GAN: variants seen among roughly 807,000 people sequenced by gnomAD.
GAN encodes gigaxonin, also known as epididymis secretory sperm binding protein.
A neutral mutation model predicts 71.3 loss-of-function variants in GAN; 48 were observed. The observed-to-expected ratio is 0.67, with a 90% CI of 0.53 to 0.86. The LOEUF is 0.86. Among genes scored for constraint, GAN ranks in the 40% least tolerant of loss-of-function variants. The pLI, the probability that GAN is intolerant of heterozygous loss-of-function variation, is 0.00. For missense variants in GAN, 928 were observed against 770.1 expected, an observed-to-expected ratio of 1.21 and a Z score of -2.43; for synonymous variants, 386 against 276.8, an observed-to-expected ratio of 1.39 and a Z score of -3.92.
At chr16:81,349,482 A>G (rs928325858) in intron 1 of GAN, among the ~76,000 whole-genome samples, 1 of 152,074 alleles carries the variant, frequency 6.6e-6, no homozygotes, top group Non-Finnish European at 1.5e-5. Flanking sequence ...CGTCTCTACA[A>G]AAAGTACAAA....
chr16:81,351,310 G>A lies in GAN; in HGVS notation c.168-273G>A, dbSNP rs1015748646. 1.6e-4 allele frequency among the ~76,000 whole-genome samples: 24 copies of A among 152,320 alleles called. No homozygotes were observed. In the East Asian group the frequency reaches 2.5e-3, roughly 16 times the overall value. On this transcript the variant is annotated intron_variant, in intron 1 of 10. Coordinates refer to ENST00000648994, the MANE Select transcript of GAN (RefSeq NM_022041.4). ...AGCCTAAAGGGACTGGGATTTCCAA[G>A]GTGAAATACAGATTCATGGTCATGT...
At chr16:81,359,553 G>C (rs1465935833) in intron 5 of GAN, among the ~76,000 whole-genome samples, 2 of 152,024 alleles carry the variant, frequency 1.3e-5, no homozygotes, top group Non-Finnish European at 2.9e-5. Flanking sequence ...TATTAAGTTA[G>C]CAAAGTCCAA....
At chr16:81,362,084 G>C (rs1440531209) in intron 5 of GAN, among the ~76,000 whole-genome samples, 1 of 152,142 alleles carries the variant, frequency 6.6e-6, no homozygotes, top group Non-Finnish European at 1.5e-5. Context: ...ATCCTGTTTT[G>C]AATAGAAAGT....
intron 3 of GAN, among the ~76,000 whole-genome samples, chr16:81,356,056 T>C (rs1910474847): frequency 6.6e-6 from 1 of 152,202 alleles, no homozygotes; most frequent in South Asian, 2.1e-4. Context: ...TCCTGCCCTC[T>C]TCTTGCCTTA....
intron 9 of GAN, among the ~76,000 whole-genome samples, chr16:81,369,594 T>A (rs962962355): frequency 3.3e-5 from 5 of 152,252 alleles, no homozygotes; most frequent in Non-Finnish European, 7.3e-5. Context: ...TCATGGTAGA[T>A]CTTTTGCTTT....
chr16:81,351,541 C>T (rs766328006), intron 1 of GAN, 42 bp from the exon 2 acceptor site: 1 of 829,838 alleles, frequency 1.2e-6, no homozygotes, highest in Admixed American at 1.7e-5. Context: ...ATAGCTATTT[C>T]TGTTCTTTCA....
chr16:81,342,635 T>C (rs1403364697), intron 1 of GAN, among the ~76,000 whole-genome samples: 1 of 152,166 alleles, frequency 6.6e-6, no homozygotes, highest in African/African-American at 2.4e-5. Flanking sequence ...TCAAGCAATA[T>C]GTAGAGGGAA....
In GAN at chr16:81,356,914, C is replaced by T. The variant is rs771979792; in HGVS notation, c.763C>T (p.Gln255Ter). 6 of 1,613,926 alleles carry T rather than the reference C, an allele frequency of 3.7e-6. No individual in the cohort carries two copies. Among genetic ancestry groups the T allele is most frequent in the Non-Finnish European group, 5.1e-6 (6 of 1,179,838 alleles). ...VKECSNIPLS[Q>*]PQQGEAMLAN... ...AGAGTGTAGCAATATACCGCTCAGC[C>T]AGCCGCAGCAAGGGGAGGCGATGCT... Residue 255 changes from glutamine to a stop codon, truncating the protein, a stop_gained, in exon 4 of 11, where the codon CAG becomes TAG. Transcript: ENST00000648994. LOFTEE classifies it high-confidence loss of function.
At chr16:81,347,045 C>G (rs1241562440) in intron 1 of GAN, among the ~76,000 whole-genome samples, 4 of 152,160 alleles carry the variant, frequency 2.6e-5, no homozygotes, top group Admixed American at 2.0e-4. Flanking sequence ...GTCATGACAT[C>G]CTAAGTGAAG....
At chr16:81,336,204 G>C (rs1909755579) in intron 1 of GAN, among the ~76,000 whole-genome samples, 1 of 152,218 alleles carries the variant, frequency 6.6e-6, no homozygotes, top group Non-Finnish European at 1.5e-5. Flanking sequence ...CCCACTACCT[G>C]CTGAGGAGCT....
intron 9 of GAN, among the ~76,000 whole-genome samples, chr16:81,376,031 A>G (rs377093778): frequency 4.6e-5 from 7 of 152,224 alleles, no homozygotes; most frequent in African/African-American, 1.7e-4. Flanking sequence ...AAGATGCTCA[A>G]CATCATTGGT....
intron 1 of GAN, among the ~76,000 whole-genome samples, chr16:81,331,965 C>G (rs1347945844): frequency 6.6e-6 from 1 of 151,830 alleles, no homozygotes; most frequent in Admixed American, 6.6e-5. Flanking sequence ...GAGTTTGAGA[C>G]CAGCCTGACC....
At chr16:81,321,315 T>C (rs1397350696) in intron 1 of GAN, among the ~76,000 whole-genome samples, 3 of 152,228 alleles carry the variant, frequency 2.0e-5, no homozygotes, top group Admixed American at 6.5e-5. Context: ...AGTAATGTGA[T>C]AGGAGTAAAA....
chr16:81,375,973 C>CAAA (rs55948304), intron 9 of GAN, among the ~76,000 whole-genome samples: 4 of 106,526 alleles, frequency 3.8e-5, no homozygotes, highest in Admixed American at 1.0e-4. Flanking sequence ...GACCCTGTCT[C>CAAA]AAAAAAAAAA....
intron 9 of GAN, among the ~76,000 whole-genome samples, chr16:81,376,365 T>A (rs8059072): frequency 0.055 from 8,368 of 152,042 alleles, 437 homozygotes; most frequent in African/African-American, 0.14. Flanking sequence ...TTACGCCTGT[T>A]ATACAGCATT....
In GAN at chr16:81,387,297, T is replaced by G. The variant is rs1194231118; in HGVS notation, c.*9701T>G. The G allele has an allele frequency of 6.6e-6, 1 of 152,184 alleles. No homozygotes were observed. Among genetic ancestry groups the G allele is most frequent in the Non-Finnish European group, 1.5e-5 (1 of 68,030 alleles). The allele number at this position is 152,184 out of a possible 1,614,324, so 9.4% of individuals were successfully genotyped here. A position where few individuals can be genotyped will look rare whatever the true frequency, so the allele number is the denominator to read the frequency against. ...GTGGGATATTGATCATTTGAACATA[T>G]GCCAGTTGTTTCTCCTGCCCTAGGG... On this transcript the variant is annotated 3_prime_UTR_variant, in exon 11 of 11. Transcript: ENST00000648994.
At chr16:81,357,568 C>T (rs1400352529) in intron 4 of GAN, among the ~76,000 whole-genome samples, 3 of 152,228 alleles carry the variant, frequency 2.0e-5, no homozygotes, top group Non-Finnish European at 2.9e-5. Flanking sequence ...AATAAACATA[C>T]GTGTGCATGT....
At chr16:81,333,241 CA>C (rs34186926) in intron 1 of GAN, among the ~76,000 whole-genome samples, 52,213 of 106,954 alleles carry the variant, frequency 0.49, 10,069 homozygotes, top group Middle Eastern at 0.63. Context: ...GACTCCATCT[CA>C]AAAAAAAAAA....
At position 81,354,390 on chromosome 16, in the gene GAN, A is replaced by G. The variant is rs754182168; in HGVS notation, c.283-15A>G. On this transcript the variant is annotated splice_polypyrimidine_tract_variant and intron_variant, in intron 2 of 10. Coordinates refer to ENST00000648994, the MANE Select transcript of GAN (RefSeq NM_022041.4). ...GTACACATTCAAATATAAGATAATT[A>G]TGCTACTTTTTTAGATCAGGCTAAA... is the stretch of plus-strand genomic sequence containing the variant. 3.0e-5 allele frequency: 45 copies of G among 1,518,036 alleles called. No individual in the cohort carries two copies. The East Asian group carries it at 9.2e-4, about 31-fold the overall frequency. The allele number at this position is 1,518,036 out of a possible 1,614,324, so 94.0% of individuals were successfully genotyped here.
Sources: allele counts gnomAD v4.1 joint callset (sites outside exome capture counted in the v4.1 genomes callset), GRCh38; gene constraint gnomAD v4.1.1; transcripts MANE v1.5; gene names NCBI Gene and HGNC (gene_info 2026-07-23, HGNC 2026-07-21).